CPNE5: variants seen among roughly 807,000 people sequenced by gnomAD.
CPNE5 encodes the protein copine 5.
Under a neutral mutation model 81.1 loss-of-function variants are expected in CPNE5, and 42 were observed. The observed-to-expected ratio is 0.52, with a 90% CI of 0.40 to 0.67. CPNE5 has a LOEUF of 0.67. CPNE5 is among the 30% of genes least tolerant of loss of function. CPNE5 has a pLI of 0.00. For missense variants in CPNE5, 612 were observed against 815.5 expected, an observed-to-expected ratio of 0.75 and a Z score of 3.04; for synonymous variants, 313 against 321.5, an observed-to-expected ratio of 0.97 and a Z score of 0.28.
At chr6:36,745,947 G>A (rs889090192) in intron 16 of CPNE5, among the ~76,000 whole-genome samples, 6 of 152,290 alleles carry the variant, frequency 3.9e-5, no homozygotes, top group African/African-American at 1.4e-4. Context: ...CAGCTCGTGG[G>A]AGCCAGGGAA....
At chr6:36,763,335 G>C (rs1335855551) in intron 11 of CPNE5, among the ~76,000 whole-genome samples, 1 of 152,188 alleles carries the variant, frequency 6.6e-6, no homozygotes, top group African/African-American at 2.4e-5. Flanking sequence ...GGGCGCGGTG[G>C]CTCATGCCTA....
intron 10 of CPNE5, among the ~76,000 whole-genome samples, chr6:36,769,134 T>G (rs1356927597): frequency 6.6e-6 from 1 of 152,236 alleles, no homozygotes; most frequent in African/African-American, 2.4e-5. Flanking sequence ...TGCTGTATCT[T>G]CAGCTTCTAG....
chr6:36,782,869 A>ACACACACACACACAC (rs1768168342), intron 8 of CPNE5, among the ~76,000 whole-genome samples: 2 of 145,844 alleles, frequency 1.4e-5, no homozygotes, highest in African/African-American at 5.3e-5. Flanking sequence ...ACACACACAC[A>ACACACACACACACAC]AAACGGCACA....
In CPNE5 at chr6:36,839,208, G is replaced by C. The variant is rs2150642484; in HGVS notation, c.95+75C>G. 8.9e-7 allele frequency: 1 copy of C among 1,123,724 alleles called. No homozygotes were observed. The highest frequency in any genetic ancestry group is 2.8e-5 in the East Asian group (1 of 35,744). 69.6% of individuals were successfully genotyped at this position (1,123,724 alleles called of 1,614,324 possible). On this transcript the variant is annotated intron_variant, in intron 1 of 20. Coordinates refer to ENST00000244751, the MANE Select transcript of CPNE5 (RefSeq NM_020939.2). The surrounding 1 kb of genome is among the most constrained non-coding windows in gnomAD (Gnocchi z 7.3). ...TGGGAAGGGGGCGCGCGGAGGTTTA[G>C]GATCGAAGCGGCAGGGGCCGCGGGG...
chr6:36,770,753 C>T (rs996487030), intron 10 of CPNE5, among the ~76,000 whole-genome samples: 1 of 152,168 alleles, frequency 6.6e-6, no homozygotes, highest in Non-Finnish European at 1.5e-5. Context: ...ACAGCTGCCT[C>T]CTCTCAATGT....
intron 3 of CPNE5, among the ~76,000 whole-genome samples, chr6:36,806,748 C>G (rs958535443): frequency 6.6e-6 from 1 of 152,278 alleles, no homozygotes; most frequent in Non-Finnish European, 1.5e-5. Context: ...CCACCCTATT[C>G]TGCTCAGACT....
rs751223316 is a variant in CPNE5, at chr6:36,743,721, G to T, written c.1531C>A (p.Arg511=). 7 of 1,613,290 alleles carry T rather than the reference G, an allele frequency of 4.3e-6. No individual in the cohort carries two copies. The highest frequency in any genetic ancestry group is 5.1e-6 in the Non-Finnish European group (6 of 1,179,988). Residue 511 remains arginine (R), a synonymous_variant, in exon 20 of 21, where the codon CGG becomes AGG. Coordinates refer to ENST00000244751, the MANE Select transcript of CPNE5 (RefSeq NM_020939.2). ...LDGDDVRISS[R]GKLAERDIVQ... ...ATGTCGCGTTCAGCCAGCTTCCCCC[G>T]GGAGGAGATCCGCACGTCGTCGCCA...
rs1582834658 is a variant in CPNE5 at position 36,774,882 on chromosome 6, T to C, written c.737+79A>G. The C allele has an allele frequency of 2.5e-5, 27 of 1,101,486 alleles. No homozygotes were observed. In the East Asian group the frequency reaches 6.3e-4, roughly 26 times the overall value. The allele number at this position is 1,101,486 out of a possible 1,614,324, so 68.2% of individuals were successfully genotyped here. On this transcript the variant is annotated intron_variant, in intron 10 of 20. Transcript: ENST00000244751. ...ACTGATGGGACTGACCACGTCAATA[T>C]GAATGGGGCCACCCTCACTTGTGCT...
chr6:36,791,428 T>C (rs1182439128), intron 8 of CPNE5, among the ~76,000 whole-genome samples: 1 of 152,176 alleles, frequency 6.6e-6, no homozygotes, highest in African/African-American at 2.4e-5. Flanking sequence ...ATTATGATAC[T>C]TTATCATTAT....
chr6:36,822,471 C>A (rs1253134914), intron 2 of CPNE5, among the ~76,000 whole-genome samples: 1 of 152,032 alleles, frequency 6.6e-6, no homozygotes, highest in Admixed American at 6.5e-5. Context: ...GGAGAAGGGT[C>A]GGCACCATTG....
At chr6:36,803,967 G>T (rs1473550403) in intron 3 of CPNE5, among the ~76,000 whole-genome samples, 1 of 152,136 alleles carries the variant, frequency 6.6e-6, no homozygotes, top group Non-Finnish European at 1.5e-5. Context: ...TACAGCAGGA[G>T]GAAGGAAGTA....
chr6:36,826,823 G>A (rs560697450), intron 1 of CPNE5, among the ~76,000 whole-genome samples: 2 of 152,266 alleles, frequency 1.3e-5, no homozygotes, highest in South Asian at 4.1e-4. Context: ...GTAGTTAAGT[G>A]CATGGGCTCT....
rs1448868896 is a variant in CPNE5, at chr6:36,741,855, G to A, written c.*413C>T. The A allele has an allele frequency of 2.2e-5, 4 of 185,316 alleles. No individual in the cohort carries two copies. The highest frequency in any genetic ancestry group is 4.5e-5 in the Non-Finnish European group (4 of 89,506). 11.5% of individuals were successfully genotyped at this position (185,316 alleles called of 1,614,324 possible). A position where few individuals can be genotyped will look rare whatever the true frequency, so the allele number is the denominator to read the frequency against. ...ACCACAGGGCGGGGCTCAGGGACAG[G>A]AGTAGACACCATGGGAGGATGGGAC... On this transcript the variant is annotated 3_prime_UTR_variant, in exon 21 of 21. Transcript: ENST00000244751.
chr6:36,742,571 C>T (rs1441031786), intron 20 of CPNE5, 85 bp from the exon 21 acceptor site: 3 of 707,692 alleles, frequency 4.2e-6, no homozygotes, highest in Non-Finnish European at 7.5e-6. Context: ...TGCATCCCCA[C>T]CCCCCTCCCA....
At chr6:36,747,883 G>A (rs1414705204) in intron 15 of CPNE5, among the ~76,000 whole-genome samples, 1 of 152,206 alleles carries the variant, frequency 6.6e-6, no homozygotes, top group Admixed American at 6.5e-5. Context: ...CCAGCCTGTG[G>A]GTTGGACTGC....
intron 8 of CPNE5, among the ~76,000 whole-genome samples, chr6:36,782,002 G>C (rs1175548616): frequency 1.3e-5 from 2 of 152,190 alleles, no homozygotes; most frequent in Non-Finnish European, 2.9e-5. Context: ...CAAGCTCTCA[G>C]AGCCTCAGTT....
intron 8 of CPNE5, among the ~76,000 whole-genome samples, chr6:36,781,800 C>A (rs1768055749): frequency 6.6e-6 from 1 of 152,162 alleles, no homozygotes; most frequent in Non-Finnish European, 1.5e-5. Flanking sequence ...AAGCACAGGT[C>A]CCCGTGTGAC....
chr6:36,829,411 C>T (rs534717674), intron 1 of CPNE5, among the ~76,000 whole-genome samples: 3 of 152,146 alleles, frequency 2.0e-5, no homozygotes, highest in Non-Finnish European at 4.4e-5. Flanking sequence ...GTGGGAGGAT[C>T]TCTTGAGCCC....
intron 1 of CPNE5, among the ~76,000 whole-genome samples, chr6:36,836,692 G>A (rs1472551668): frequency 6.6e-6 from 1 of 152,084 alleles, no homozygotes; most frequent in Non-Finnish European, 1.5e-5. Flanking sequence ...AGAATATGCT[G>A]GAGAAAGCCA....
Sources: gnomAD v4.1 joint callset for allele counts (sites outside exome capture counted in the v4.1 genomes callset) on GRCh38, gnomAD v4.1.1 for gene constraint, Gnocchi (gnomAD v3.1) non-coding constraint, MANE v1.5 for transcripts, NCBI Gene and HGNC (gene_info 2026-07-23, HGNC 2026-07-21) for gene names.